DMD: variants seen among roughly 807,000 people sequenced by gnomAD.
DMD encodes the protein mutant dystrophin.
DMD carries 63 observed loss-of-function variants against 330.1 expected under a neutral mutation model. The ratio of observed to expected loss-of-function variants is 0.19; its 90% confidence interval spans 0.16 to 0.24. DMD has a LOEUF of 0.24. DMD is among the 10% of genes least tolerant of loss of function. DMD has a pLI of 1.00. For synonymous variants in DMD, 1,223 were observed against 959.8 expected, an observed-to-expected ratio of 1.27 and a Z score of -5.07; for missense variants, 3,344 against 2,684.1, an observed-to-expected ratio of 1.25 and a Z score of -5.43.
intron 53 of DMD, among the ~76,000 whole-genome samples, chrX:31,666,980 T>C (rs1055490867): frequency 7.1e-5 from 8 of 112,385 alleles, no homozygotes; most frequent in Non-Finnish European, 1.5e-4. Flanking sequence ...CTTTTTAACA[T>C]ACCATAAAAT....
intron 55 of DMD, among the ~76,000 whole-genome samples, chrX:31,535,761 C>A (rs1253660889): frequency 1.8e-5 from 2 of 111,904 alleles, no homozygotes; most frequent in Non-Finnish European, 3.8e-5. Context: ...CTATAGTTTG[C>A]CATTGTCCCT....
intron 7 of DMD, among the ~76,000 whole-genome samples, chrX:32,794,877 G>C (rs1017912305): frequency 3.6e-5 from 4 of 111,764 alleles, no homozygotes; most frequent in Non-Finnish European, 7.5e-5. Context: ...TACCAATAAT[G>C]AACTGGCTGA....
chrX:32,064,030 C>T (rs1433757680), intron 44 of DMD, among the ~76,000 whole-genome samples: 1 of 110,901 alleles, frequency 9.0e-6, no homozygotes, highest in Non-Finnish European at 1.9e-5. Context: ...TTACAAAGCT[C>T]AAAGTGGAGG....
At chrX:31,607,158 C>T (rs2077652880) in intron 55 of DMD, among the ~76,000 whole-genome samples, 1 of 111,807 alleles carries the variant, frequency 8.9e-6, no homozygotes, top group Non-Finnish European at 1.9e-5. Flanking sequence ...TTCTTTAAGG[C>T]ATCACTCAAC....
At chrX:31,742,082 C>T (rs73210163) in intron 51 of DMD, among the ~76,000 whole-genome samples, 122 of 111,972 alleles carry the variant, frequency 1.1e-3, no homozygotes, top group Non-Finnish European at 2.0e-3. Context: ...TCACCTCTCT[C>T]GGCATTCACA....
chrX:32,083,035 C>A (rs2096405534), intron 44 of DMD, among the ~76,000 whole-genome samples: 1 of 111,888 alleles, frequency 8.9e-6, no homozygotes, highest in Non-Finnish European at 1.9e-5. Context: ...TTTTTAAGCA[C>A]CTCTTATTGT....
intron 44 of DMD, among the ~76,000 whole-genome samples, chrX:32,158,577 C>T (rs2096838396): frequency 1.8e-5 from 2 of 111,284 alleles, no homozygotes; most frequent in South Asian, 7.6e-4. Context: ...TGTTATTCTT[C>T]CAAATGATAG....
chrX:31,766,160 G>C (rs768856534), intron 51 of DMD, among the ~76,000 whole-genome samples: 6 of 111,244 alleles, frequency 5.4e-5, no homozygotes, highest in Non-Finnish European at 1.1e-4. Context: ...AGTTAGAGAA[G>C]ACCCAGATTC....
At chrX:31,461,099 C>G (rs769026622) in intron 59 of DMD, among the ~76,000 whole-genome samples, 8 of 111,573 alleles carry the variant, frequency 7.2e-5, no homozygotes, top group Non-Finnish European at 1.5e-4. Context: ...TATGATGCTC[C>G]CATATCTAAA....
chrX:32,329,043 T>G (rs998538687), intron 41 of DMD, among the ~76,000 whole-genome samples: 3 of 111,631 alleles, frequency 2.7e-5, no homozygotes, highest in Non-Finnish European at 3.8e-5. Context: ...ATTCAATCAT[T>G]CATTCCACAT....
At chrX:33,277,440 T>A (rs1161475523) in intron 1 of DMD, among the ~76,000 whole-genome samples, 1 of 111,226 alleles carries the variant, frequency 9.0e-6, no homozygotes, top group African/African-American at 3.3e-5. Flanking sequence ...TACCTCAATT[T>A]AAAAAATGCA....
At chrX:31,246,309 A>C (rs192655166) in intron 63 of DMD, among the ~76,000 whole-genome samples, 1,566 of 112,338 alleles carry the variant, frequency 0.014, 20 homozygotes, top group African/African-American at 0.048. Context: ...CAAGAAGCTT[A>C]AGGAAACAAG....
intron 59 of DMD, among the ~76,000 whole-genome samples, chrX:31,475,854 C>A (rs1219277007): frequency 5.4e-5 from 6 of 111,266 alleles, no homozygotes; most frequent in Non-Finnish European, 1.1e-4. Flanking sequence ...CCATAGGCTT[C>A]ATGAAGGCAA....
rs187129450 is a variant in DMD, at chrX:32,187,499, C to T, written c.6438+29417G>A. Among the ~76,000 whole-genome samples, 15 of 111,603 alleles carry T rather than the reference C, an allele frequency of 1.3e-4. No individual in the cohort carries two copies. The East Asian group carries it at 4.2e-3, about 31-fold the overall frequency. ...AAAACTTTCTTTATGAAAAGATTAA[C>T]ACATGTTTTAAAAAGAGATACATAT... On this transcript the variant is annotated intron_variant, in intron 44 of 78. Transcript: ENST00000357033.
rs1238073206 is a variant in DMD, at chrX:32,565,843, C to T, written c.1851G>A (p.Met617Ile). The change falls in exon 16 of 79, where the codon ATG becomes ATA. Residue 617 changes from methionine to isoleucine, a missense_variant. Transcript: ENST00000357033. ...KADLEKKKQS[M>I]GKLYSLKQDL... is the part of the protein sequence containing the mutation. ...CTTGTTTGAGTGAATACAGTTTGCC[C>T]ATGGATTGCTTTTTCTTTTCTAGAT... The T allele has an allele frequency of 1.7e-6, 2 of 1,211,302 alleles. No homozygotes were observed. Among genetic ancestry groups the T allele is most frequent in the South Asian group, 1.8e-5 (1 of 56,983 alleles).
chrX:32,499,238 G>A (rs1309786653), intron 19 of DMD, among the ~76,000 whole-genome samples: 1 of 111,677 alleles, frequency 9.0e-6, no homozygotes, highest in Non-Finnish European at 1.9e-5. Flanking sequence ...AGTTTGCTAT[G>A]CATATACCAG....
At chrX:32,265,280 G>T (rs781773249) in intron 43 of DMD, among the ~76,000 whole-genome samples, 460 of 112,820 alleles carry the variant, frequency 4.1e-3, no homozygotes, top group African/African-American at 0.014. Flanking sequence ...TACAGAGGGT[G>T]CAAGCCCCAA....
intron 7 of DMD, among the ~76,000 whole-genome samples, chrX:32,740,052 GACTT>G (rs1470485649): frequency 3.7e-5 from 4 of 109,106 alleles, no homozygotes; most frequent in African/African-American, 1.3e-4. Context: ...ATGGCCATGT[GACTT>G]ACTTCATCAA....
intron 47 of DMD, among the ~76,000 whole-genome samples, chrX:31,916,132 A>G (rs896934080): frequency 1.8e-5 from 2 of 111,784 alleles, no homozygotes; most frequent in Non-Finnish European, 3.8e-5. Context: ...GACCATATGG[A>G]GCAGAGGTGA....
Sources: gnomAD v4.1 joint callset for allele counts (sites outside exome capture counted in the v4.1 genomes callset) on GRCh38, gnomAD v4.1.1 for gene constraint, MANE v1.5 for transcripts, NCBI Gene and HGNC (gene_info 2026-07-23, HGNC 2026-07-21) for gene names.